NEK7: variants seen among roughly 807,000 people sequenced by gnomAD.
NEK7 encodes the protein serine/threonine-protein kinase Nek7.
A neutral mutation model predicts 44.6 loss-of-function variants in NEK7; 18 were observed. The observed-to-expected ratio is 0.40, with a 90% CI of 0.28 to 0.60. NEK7 has a LOEUF of 0.60. Ranked by LOEUF, NEK7 falls within the 20% of genes least tolerant of loss-of-function variation. NEK7 has a pLI of 0.38. For missense variants in NEK7, 256 were observed against 366.5 expected, an observed-to-expected ratio of 0.70 and a Z score of 2.46; for synonymous variants, 130 against 121.1, an observed-to-expected ratio of 1.07 and a Z score of -0.48.
At chr1:198,159,139 A>T (rs575344828) in intron 1 of NEK7, among the ~76,000 whole-genome samples, 135 of 152,304 alleles carry the variant, frequency 8.9e-4, no homozygotes, top group African/African-American at 3.0e-3. Flanking sequence ...CGCCCTCCGG[A>T]GTACTGACGG....
intron 1 of NEK7, among the ~76,000 whole-genome samples, chr1:198,174,339 A>G (rs1294419762): frequency 2.0e-5 from 3 of 151,766 alleles, no homozygotes; most frequent in South Asian, 2.1e-4. Flanking sequence ...ACGTTTTTGA[A>G]ATCTTAATTT....
At chr1:198,158,076 G>A (rs1200082855) in intron 1 of NEK7, among the ~76,000 whole-genome samples, 1 of 152,152 alleles carries the variant, frequency 6.6e-6, no homozygotes, top group Non-Finnish European at 1.5e-5. Context: ...TACACTGTAG[G>A]CCTTCACTCC....
intron 1 of NEK7, among the ~76,000 whole-genome samples, chr1:198,196,325 T>G (rs1665235640): frequency 6.6e-6 from 1 of 152,212 alleles, no homozygotes; most frequent in Non-Finnish European, 1.5e-5. Flanking sequence ...CTGTAAATTA[T>G]CTGTCTGGCT....
chr1:198,211,572 T>C (rs543028732), intron 1 of NEK7, among the ~76,000 whole-genome samples: 1 of 152,296 alleles, frequency 6.6e-6, no homozygotes, highest in African/African-American at 2.4e-5. Context: ...ATAAATAATA[T>C]TTTTAGGAGA....
At chr1:198,264,362 TA>T (rs1653580349) in intron 5 of NEK7, 127 bp downstream of exon 5, 3 of 631,694 alleles carry the variant, frequency 4.7e-6, no homozygotes, top group African/African-American at 3.9e-5. Context: ...ATCTGATAGA[TA>T]TGTAACAAAT....
At chr1:198,266,850 C>T (rs745363586) in intron 5 of NEK7, among the ~76,000 whole-genome samples, 8 of 152,054 alleles carry the variant, frequency 5.3e-5, no homozygotes, top group Non-Finnish European at 8.8e-5. Context: ...CCATTTAAAC[C>T]TCTGATCACT....
intron 1 of NEK7, among the ~76,000 whole-genome samples, chr1:198,229,658 C>T (rs776284457): frequency 3.3e-5 from 5 of 152,188 alleles, no homozygotes; most frequent in Non-Finnish European, 5.9e-5. Flanking sequence ...CATTTGGTCA[C>T]AGAAGTCTTA....
At chr1:198,198,076 G>C in intron 1 of NEK7, 1 of 1,425,148 alleles carries the variant, frequency 7.0e-7, no homozygotes. Flanking sequence ...AGGGGCCTTG[G>C]GGAAAGGGTG....
chr1:198,262,242 A>G (rs1466825793), intron 3 of NEK7, among the ~76,000 whole-genome samples: 2 of 151,968 alleles, frequency 1.3e-5, no homozygotes, highest in African/African-American at 4.8e-5. Flanking sequence ...GTTGTGCAGT[A>G]CATTTAGCAT....
rs559142590 is a variant in NEK7 at position 198,226,381 on chromosome 1, C to T, written c.-28-6172C>T. 6.6e-5 allele frequency among the ~76,000 whole-genome samples: 10 copies of T among 151,940 alleles called. No individual in the cohort carries two copies. In the South Asian group the frequency reaches 1.9e-3, roughly 28 times the overall value. On this transcript the variant is annotated intron_variant, in intron 1 of 9. Coordinates refer to ENST00000367385, the MANE Select transcript of NEK7 (RefSeq NM_133494.3). ...CCAACATGGTAAAACCCTATCTCTA[C>T]TAAAAATACAAAATTTAGCTGGGCG... is the stretch of plus-strand genomic sequence containing the variant.
At chr1:198,284,694 T>C (rs1291080122) in intron 7 of NEK7, among the ~76,000 whole-genome samples, 5 of 152,158 alleles carry the variant, frequency 3.3e-5, no homozygotes, top group African/African-American at 9.7e-5. Context: ...ATAAAAACAT[T>C]CTGAACCAGA....
chr1:198,178,995 C>T (rs1183732369), intron 1 of NEK7, among the ~76,000 whole-genome samples: 2 of 151,214 alleles, frequency 1.3e-5, no homozygotes, highest in Non-Finnish European at 3.0e-5. Flanking sequence ...TTGATACCCC[C>T]CCCCTTTTTT....
At chr1:198,261,399 A>G (rs763550241) in intron 3 of NEK7, among the ~76,000 whole-genome samples, 2 of 151,946 alleles carry the variant, frequency 1.3e-5, no homozygotes, top group African/African-American at 2.4e-5. Flanking sequence ...TATTGTGGCC[A>G]ATACTACCTG....
intron 7 of NEK7, among the ~76,000 whole-genome samples, chr1:198,289,131 TTGTGTGTG>T (rs71133921): frequency 0.056 from 8,347 of 148,772 alleles, 762 homozygotes; most frequent in African/African-American, 0.19. Context: ...TTCCCTGAAG[TTGTGTGTG>T]TGTGTGTGTG....
At chr1:198,246,692 AG>A (rs1474307394) in intron 2 of NEK7, among the ~76,000 whole-genome samples, 1 of 152,260 alleles carries the variant, frequency 6.6e-6, no homozygotes, top group Non-Finnish European at 1.5e-5. Context: ...CTTTGCTCTC[AG>A]CATGCGGTTG....
intron 1 of NEK7, among the ~76,000 whole-genome samples, chr1:198,177,920 A>G (rs1476905718): frequency 1.3e-5 from 2 of 152,104 alleles, no homozygotes; most frequent in East Asian, 1.9e-4. Flanking sequence ...AACATCGTCC[A>G]TGTGGCAAGA....
rs1400383685 is a variant in NEK7, at chr1:198,321,069, A to G, written c.*1547A>G. The G allele has an allele frequency of 6.6e-6, 1 of 152,050 alleles. No homozygotes were observed. Among genetic ancestry groups the G allele is most frequent in the East Asian group, 1.9e-4 (1 of 5,184 alleles). 9.4% of individuals were successfully genotyped at this position (152,050 alleles called of 1,614,324 possible). A position where few individuals can be genotyped will look rare whatever the true frequency, so the allele number is the denominator to read the frequency against. ...GATGAATTATCCTGCCAACGTGAAAACCTCATGTTCAAAGAACACTTCCCT... is the reference window on the plus strand; with the variant it reads ...GATGAATTATCCTGCCAACGTGAAAGCCTCATGTTCAAAGAACACTTCCCT... On this transcript the variant is annotated 3_prime_UTR_variant, in exon 10 of 10. Transcript: ENST00000367385.
At chr1:198,197,929 A>G in intron 1 of NEK7, 1 of 1,445,890 alleles carries the variant, frequency 6.9e-7, no homozygotes, top group Non-Finnish European at 9.6e-7. Flanking sequence ...AGGGATTCAC[A>G]GGAGGCATCC....
chr1:198,252,568 A>ATATAT (rs1491101432), intron 2 of NEK7, among the ~76,000 whole-genome samples: 3,312 of 62,508 alleles, frequency 0.053, 241 homozygotes, highest in African/African-American at 0.11. Context: ...ATATATATAT[A>ATATAT]AAAAGTACAT....
Sources: gnomAD v4.1 joint callset for allele counts (sites outside exome capture counted in the v4.1 genomes callset) on GRCh38, gnomAD v4.1.1 for gene constraint, MANE v1.5 for transcripts, NCBI Gene and HGNC (gene_info 2026-07-23, HGNC 2026-07-21) for gene names.